CDH13: variants seen among roughly 807,000 people sequenced by gnomAD.
CDH13 encodes the protein cadherin 13, also known as cadherin-13.
In CDH13, 24 loss-of-function variants were observed where a neutral mutation model predicts 63.8. That is an observed-to-expected ratio of 0.38 (90% CI 0.27 to 0.53). The LOEUF is 0.53. Ranked by LOEUF, CDH13 falls within the 20% of genes least tolerant of loss-of-function variation. The pLI is 0.85. For synonymous variants in CDH13, 503 were observed against 355.3 expected (o/e 1.42, Z -4.67); for missense variants, 1,049 against 903.1 (o/e 1.16, Z -2.07).
At chr16:82,926,774 G>GT (rs980697866) in intron 2 of CDH13, among the ~76,000 whole-genome samples, 9 of 152,180 alleles carry the variant, frequency 5.9e-5, no homozygotes, top group Non-Finnish European at 8.8e-5. Flanking sequence ...CCAAACTGGG[G>GT]TTTTCATCTC....
At chr16:82,725,441 C>A (rs1265658728) in intron 1 of CDH13, among the ~76,000 whole-genome samples, 1 of 152,152 alleles carries the variant, frequency 6.6e-6, no homozygotes, top group Admixed American at 6.5e-5. Flanking sequence ...GCAGGATACC[C>A]TTGAGGAAGT....
intron 7 of CDH13, among the ~76,000 whole-genome samples, chr16:83,493,890 G>A (rs7195224): frequency 0.99 from 151,477 of 152,320 alleles, 75,330 homozygotes; most frequent in Middle Eastern, 1. Context: ...TGACAAGTTG[G>A]TTCTCGACAT....
intron 11 of CDH13, among the ~76,000 whole-genome samples, chr16:83,758,318 T>G (rs1176782238): frequency 6.6e-6 from 1 of 152,176 alleles, no homozygotes; most frequent in Non-Finnish European, 1.5e-5. Context: ...CATAAATTTT[T>G]AAATTCTTAA....
At chr16:83,794,579 A>G (rs1259537466) in intron 13 of CDH13, among the ~76,000 whole-genome samples, 1 of 152,104 alleles carries the variant, frequency 6.6e-6, no homozygotes, top group Non-Finnish European at 1.5e-5. Flanking sequence ...ATGTTTGAAG[A>G]ACCACCAATA....
intron 2 of CDH13, among the ~76,000 whole-genome samples, chr16:83,010,153 A>AAAAAAAAAC (rs1567740979): frequency 6.7e-6 from 1 of 148,206 alleles, no homozygotes; most frequent in Non-Finnish European, 1.5e-5. Context: ...AAAAAAAAAA[A>AAAAAAAAAC]AAAAAAAAAC....
chr16:83,743,118 A>G (rs1476722420), intron 10 of CDH13, among the ~76,000 whole-genome samples: 1 of 152,194 alleles, frequency 6.6e-6, no homozygotes, highest in African/African-American at 2.4e-5. Flanking sequence ...GAGGCAGGAG[A>G]ATTATTTGAA....
intron 1 of CDH13, among the ~76,000 whole-genome samples, chr16:82,797,309 G>A (rs1157800777): frequency 6.6e-6 from 1 of 152,164 alleles, no homozygotes; most frequent in Admixed American, 6.5e-5. Flanking sequence ...ACAGTGGTCA[G>A]TCAAGAATAA....
chr16:82,971,112 C>G (rs1433739272), intron 2 of CDH13, among the ~76,000 whole-genome samples: 2 of 152,140 alleles, frequency 1.3e-5, no homozygotes, highest in Admixed American at 6.5e-5. Context: ...AGGCCTCAAC[C>G]AAAGACCAGC....
At chr16:82,681,407 GT>G (rs1914531458) in intron 1 of CDH13, among the ~76,000 whole-genome samples, 1 of 152,184 alleles carries the variant, frequency 6.6e-6, no homozygotes, top group African/African-American at 2.4e-5. Flanking sequence ...AGGTGGAAAC[GT>G]TGTGAAGCTA....
At chr16:83,730,551 C>T (rs1910923040) in intron 10 of CDH13, among the ~76,000 whole-genome samples, 1 of 152,194 alleles carries the variant, frequency 6.6e-6, no homozygotes, top group Non-Finnish European at 1.5e-5. Flanking sequence ...AAGTTCAACA[C>T]ACTAAAATAT....
chr16:83,055,860 C>T (rs934659217), intron 3 of CDH13, among the ~76,000 whole-genome samples: 22 of 152,062 alleles, frequency 1.4e-4, no homozygotes, highest in Non-Finnish European at 1.5e-5. Flanking sequence ...AATTTGACTT[C>T]AATAAAAGTA....
chr16:83,694,624 C>G lies in CDH13; in HGVS notation c.1538+16163C>G, dbSNP rs182304843. On this transcript the variant is annotated intron_variant, in intron 10 of 13. Coordinates refer to ENST00000567109, the MANE Select transcript of CDH13 (RefSeq NM_001257.5). ...ATTCAGTTCCCACACTAAAGAGTGTCTCTGTCACAAAGCAGGAACAGGTGA... is the reference window on the plus strand; with the variant it reads ...ATTCAGTTCCCACACTAAAGAGTGTGTCTGTCACAAAGCAGGAACAGGTGA... Among the ~76,000 whole-genome samples, 212 of 152,282 alleles carry G rather than the reference C, an allele frequency of 1.4e-3. 1 individual carries two copies. Among genetic ancestry groups the G allele is most frequent in the African/African-American group, 4.7e-3 (194 of 41,552 alleles).
chr16:83,780,350 C>T, intron 12 of CDH13, 149 bp downstream of exon 12: 1 of 600,740 alleles, frequency 1.7e-6, no homozygotes, highest in South Asian at 2.2e-5. Flanking sequence ...AGAATTTTCC[C>T]ACCAACAAAC....
chr16:82,865,755 T>C (rs1318000810), intron 2 of CDH13, among the ~76,000 whole-genome samples: 1 of 152,232 alleles, frequency 6.6e-6, no homozygotes, highest in Non-Finnish European at 1.5e-5. Flanking sequence ...ATTTGGCTCC[T>C]TTTTATTTCT....
chr16:83,068,169 C>T (rs1018181130), intron 3 of CDH13, among the ~76,000 whole-genome samples: 1 of 152,182 alleles, frequency 6.6e-6, no homozygotes, highest in African/African-American at 2.4e-5. Flanking sequence ...CAGCAGATGC[C>T]AACTTCCAAT....
intron 4 of CDH13, among the ~76,000 whole-genome samples, chr16:83,187,875 C>G (rs1036343066): frequency 1.3e-5 from 2 of 152,234 alleles, no homozygotes; most frequent in East Asian, 3.9e-4. Flanking sequence ...CAGTTTTCAA[C>G]AGGGAGGCCC....
At chr16:82,812,927 T>C (rs1332267201) in intron 1 of CDH13, among the ~76,000 whole-genome samples, 2 of 152,008 alleles carry the variant, frequency 1.3e-5, no homozygotes, top group African/African-American at 4.8e-5. Context: ...AAGGGATTTA[T>C]GATGGCATAA....
chr16:83,014,032 A>G (rs1239461382), intron 2 of CDH13, among the ~76,000 whole-genome samples: 1 of 152,178 alleles, frequency 6.6e-6, no homozygotes, highest in Non-Finnish European at 1.5e-5. Flanking sequence ...ATGGCAAACA[A>G]GACACTTTCT....
chr16:83,395,615 GC>G (rs2091873050), intron 6 of CDH13, among the ~76,000 whole-genome samples: 1 of 152,166 alleles, frequency 6.6e-6, no homozygotes, highest in African/African-American at 2.4e-5. Context: ...TTTTCCTTCA[GC>G]CTGGTCATTG....
Sources: gnomAD v4.1 joint callset for allele counts (sites outside exome capture counted in the v4.1 genomes callset) on GRCh38, gnomAD v4.1.1 for gene constraint, MANE v1.5 for transcripts, NCBI Gene and HGNC (gene_info 2026-07-23, HGNC 2026-07-21) for gene names.